The following DLGAP2 variants were observed in gnomAD, a reference collection of about 807,000 sequenced individuals.
DLGAP2 encodes the protein disks large-associated protein 2.
A neutral mutation model predicts 100.3 loss-of-function variants in DLGAP2; 26 were observed. That is an observed-to-expected ratio of 0.26 (90% CI 0.19 to 0.36). DLGAP2 has a LOEUF of 0.36. Ranked by LOEUF, DLGAP2 falls within the 10% of genes least tolerant of loss-of-function variation. The pLI, the probability that DLGAP2 is intolerant of heterozygous loss-of-function variation, is 1.00. For missense variants in DLGAP2, 1,858 were observed against 1,453.2 expected (o/e 1.28, Z -4.53); for synonymous variants, 886 against 630.1 (o/e 1.41, Z -6.08).
intron 3 of DLGAP2, among the ~76,000 whole-genome samples, chr8:1,273,292 G>C (rs1203854907): frequency 1.3e-5 from 2 of 152,132 alleles, no homozygotes; most frequent in African/African-American, 2.4e-5. Context: ...CGGGAGCCAC[G>C]TGGGCTGCTC....
intron 2 of DLGAP2, among the ~76,000 whole-genome samples, chr8:975,848 G>C (rs189435385): frequency 3.2e-4 from 48 of 152,260 alleles, no homozygotes; most frequent in African/African-American, 1.1e-3. Flanking sequence ...TTGGAAGTTT[G>C]AGCAAATGCA....
At chr8:938,883 C>A (rs1799132960) in intron 2 of DLGAP2, among the ~76,000 whole-genome samples, 1 of 152,216 alleles carries the variant, frequency 6.6e-6, no homozygotes, top group Non-Finnish European at 1.5e-5. Flanking sequence ...AACTCCCAGG[C>A]CTCTGCCTTA....
At chr8:1,135,062 C>G (rs540403830) in intron 2 of DLGAP2, among the ~76,000 whole-genome samples, 1 of 152,300 alleles carries the variant, frequency 6.6e-6, no homozygotes, top group African/African-American at 2.4e-5. Context: ...TCTATTTCCT[C>G]CATTCTTGTC....
intron 2 of DLGAP2, among the ~76,000 whole-genome samples, chr8:1,077,505 C>G (rs1320048522): frequency 6.6e-6 from 1 of 152,180 alleles, no homozygotes; most frequent in South Asian, 2.1e-4. Flanking sequence ...AGGTGAACAT[C>G]ACTGGACCCC....
intron 2 of DLGAP2, among the ~76,000 whole-genome samples, chr8:1,044,350 T>G (rs1044851082): frequency 2.0e-5 from 3 of 152,222 alleles, no homozygotes; most frequent in African/African-American, 7.2e-5. Flanking sequence ...TTGTGTTGCC[T>G]TGGCAAAGCC....
At chr8:928,249 T>G (rs1006218228) in intron 2 of DLGAP2, among the ~76,000 whole-genome samples, 1 of 152,012 alleles carries the variant, frequency 6.6e-6, no homozygotes, top group African/African-American at 2.4e-5. Flanking sequence ...TGAGGTCGAG[T>G]TTGCGTTCAC....
chr8:1,553,004 C>T (rs193001954), intron 5 of DLGAP2, among the ~76,000 whole-genome samples: 3 of 152,192 alleles, frequency 2.0e-5, no homozygotes, highest in Admixed American at 6.5e-5. Context: ...TTCGCCGTGG[C>T]TTAGCTCAGG....
At chr8:1,275,287 T>C (rs1182585145) in intron 3 of DLGAP2, among the ~76,000 whole-genome samples, 1 of 151,648 alleles carries the variant, frequency 6.6e-6, no homozygotes, top group Non-Finnish European at 1.5e-5. Flanking sequence ...CAGTGAGGCA[T>C]CGTAGCTTAC....
At chr8:1,078,405 C>G (rs895502218) in intron 2 of DLGAP2, among the ~76,000 whole-genome samples, 53 of 152,176 alleles carry the variant, frequency 3.5e-4, no homozygotes, top group Admixed American at 2.0e-4. Flanking sequence ...AGTATTGATC[C>G]ATGATTATTG....
intron 1 of DLGAP2, among the ~76,000 whole-genome samples, chr8:783,921 G>C (rs531362818): frequency 1.8e-4 from 27 of 152,176 alleles, no homozygotes; most frequent in African/African-American, 6.3e-4. Context: ...ATATCATAGC[G>C]TTATCGGCTA....
chr8:1,559,087 A>G (rs770869264), intron 5 of DLGAP2, among the ~76,000 whole-genome samples: 16 of 152,246 alleles, frequency 1.1e-4, no homozygotes, highest in Non-Finnish European at 2.2e-4. Context: ...TAAAGCAAGT[A>G]ACAGGAGACG....
At chr8:1,144,686 C>T (rs1796575543) in intron 2 of DLGAP2, among the ~76,000 whole-genome samples, 2 of 152,160 alleles carry the variant, frequency 1.3e-5, no homozygotes. Flanking sequence ...AATACAGGCC[C>T]TGTCTGCAGT....
intron 2 of DLGAP2, among the ~76,000 whole-genome samples, chr8:951,440 G>A (rs1799477020): frequency 6.6e-6 from 1 of 152,136 alleles, no homozygotes; most frequent in Non-Finnish European, 1.5e-5. Context: ...TAATAGAGAT[G>A]GGGTTTTGCC....
chr8:871,701 A>T (rs1160625367), intron 1 of DLGAP2, among the ~76,000 whole-genome samples: 1 of 152,032 alleles, frequency 6.6e-6, no homozygotes, highest in East Asian at 1.9e-4. Flanking sequence ...CTTCCAAAAT[A>T]TGAAAAAAAA....
At chr8:1,700,227 G>C (rs1253670125) in intron 14 of DLGAP2, among the ~76,000 whole-genome samples, 1 of 152,182 alleles carries the variant, frequency 6.6e-6, no homozygotes, top group Non-Finnish European at 1.5e-5. Context: ...AGGCTGAAGA[G>C]AAAAAGACAT....
intron 3 of DLGAP2, among the ~76,000 whole-genome samples, chr8:1,262,839 A>G (rs969434926): frequency 3.9e-5 from 6 of 152,198 alleles, no homozygotes; most frequent in Non-Finnish European, 5.9e-5. Context: ...TCGCTTTTCA[A>G]CTAGAACACA....
rs546866706 is a variant in DLGAP2 at position 1,590,904 on chromosome 8, C to G, written c.1442+25010C>G. The stretch of plus-strand genomic sequence containing the variant: ...ACCAGGGACTGGTGGATCTCTATCC[C>G]TTAACCATTCTTTAAGCCACCTTAA... On this transcript the variant is annotated intron_variant, in intron 6 of 14. Transcript: ENST00000637795. Among the ~76,000 whole-genome samples the G allele has an allele frequency of 1.6e-3, 243 of 152,318 alleles. 1 individual carries two copies. The highest frequency in any genetic ancestry group is 2.6e-3 in the Admixed American group (40 of 15,298).
chr8:1,457,815 G>T (rs987334706), intron 3 of DLGAP2, among the ~76,000 whole-genome samples: 3 of 151,726 alleles, frequency 2.0e-5, no homozygotes, highest in African/African-American at 7.3e-5. Flanking sequence ...GCAACAAATA[G>T]CTGTTGTCTG....
intron 2 of DLGAP2, among the ~76,000 whole-genome samples, chr8:1,226,714 G>T (rs906189898): frequency 2.6e-5 from 4 of 152,074 alleles, no homozygotes; most frequent in Non-Finnish European, 2.9e-5. Context: ...TTTCCCTGAG[G>T]ATTAGTGATG....
Sources: gnomAD v4.1 joint callset for allele counts (sites outside exome capture counted in the v4.1 genomes callset) on GRCh38, gnomAD v4.1.1 for gene constraint, MANE v1.5 for transcripts, NCBI Gene and HGNC (gene_info 2026-07-23, HGNC 2026-07-21) for gene names.